Variants in TMEM266 observed in about 807,000 individuals in gnomAD.
The protein encoded by TMEM266 is transmembrane protein 266.
Under a neutral mutation model 50.5 loss-of-function variants are expected in TMEM266, and 33 were observed. The observed-to-expected ratio is 0.65, with a 90% CI of 0.50 to 0.87. The LOEUF (loss-of-function observed/expected upper bound fraction) is 0.87, where lower values mean the gene tolerates loss of function less well. Ranked by LOEUF, TMEM266 falls within the 40% of genes least tolerant of loss-of-function variation. TMEM266 has a pLI of 0.00. For missense variants in TMEM266, 655 were observed against 695.1 expected, an observed-to-expected ratio of 0.94 and a Z score of 0.65; for synonymous variants, 310 against 292.3, an observed-to-expected ratio of 1.06 and a Z score of -0.62.
chr15:76,189,026 C>T (rs1241097180), intron 8 of TMEM266, among the ~76,000 whole-genome samples: 1 of 151,982 alleles, frequency 6.6e-6, no homozygotes, highest in African/African-American at 2.4e-5. Flanking sequence ...ATATCTTGTC[C>T]CTACAAAATA....
chr15:76,149,004 G>A (rs1300871294), intron 3 of TMEM266, among the ~76,000 whole-genome samples: 3 of 152,096 alleles, frequency 2.0e-5, no homozygotes, highest in African/African-American at 2.4e-5. Context: ...TTCTGGTTTC[G>A]TGGTGTGTGT....
At chr15:76,159,988 C>A in intron 4 of TMEM266, 107 bp from the exon 5 acceptor site, 1 of 1,040,670 alleles carries the variant, frequency 9.6e-7, no homozygotes, top group South Asian at 1.4e-5. Context: ...AACGTTCATG[C>A]AGGCGGGCCC....
At chr15:76,196,602 G>C (rs1301800628) in intron 9 of TMEM266, among the ~76,000 whole-genome samples, 2 of 152,234 alleles carry the variant, frequency 1.3e-5, no homozygotes, top group African/African-American at 2.4e-5. Flanking sequence ...AGGCCAGCGA[G>C]GCTCTGAGGC....
At position 76,204,360 on chromosome 15, in the gene TMEM266, A is replaced by G. The variant is rs375376943; in HGVS notation, c.*45A>G. 2 of 1,531,036 alleles carry G rather than the reference A, an allele frequency of 1.3e-6. No homozygotes were observed. Among genetic ancestry groups the G allele is most frequent in the African/African-American group, 2.7e-5 (2 of 72,838 alleles). The allele number at this position is 1,531,036 out of a possible 1,614,324, so 94.8% of individuals were successfully genotyped here. On this transcript the variant is annotated 3_prime_UTR_variant, in exon 11 of 11. Transcript: ENST00000388942. ...GAGATGAGGGGAGACAGCCATCTCA[A>G]AGCTCTCCTGGGACCCTGGAGGCTG...
At chr15:76,135,069 C>T (rs1162377911) in intron 2 of TMEM266, among the ~76,000 whole-genome samples, 1 of 152,182 alleles carries the variant, frequency 6.6e-6, no homozygotes, top group Non-Finnish European at 1.5e-5. Flanking sequence ...CTTTTCATGC[C>T]TCTGCTGGTG....
At chr15:76,133,181 C>G (rs1433908209) in intron 1 of TMEM266, among the ~76,000 whole-genome samples, 1 of 151,820 alleles carries the variant, frequency 6.6e-6, no homozygotes. Flanking sequence ...CGCCTGTAAT[C>G]CCAGCACTTT....
At chr15:76,186,946 C>T (rs2038497713) in intron 8 of TMEM266, among the ~76,000 whole-genome samples, 3 of 152,180 alleles carry the variant, frequency 2.0e-5, no homozygotes, top group Admixed American at 2.0e-4. Flanking sequence ...CCCTTGTACA[C>T]ACTATGCCTC....
Position 76,161,200 on chromosome 15 carries a change from C to T in TMEM266, c.456+1032C>T, listed in dbSNP as rs1358842458. 2.0e-5 allele frequency among the ~76,000 whole-genome samples: 3 copies of T among 152,184 alleles called. No homozygotes were observed. In the East Asian group the frequency reaches 5.8e-4, roughly 29 times the overall value. On this transcript the variant is annotated intron_variant, in intron 5 of 10. Transcript: ENST00000388942. The surrounding 1 kb of genome is among the most constrained non-coding windows in gnomAD (Gnocchi z 4.1). ...CCCATGCAAAGTCCCGTGGGCCTTT[C>T]AGCATGGCTCAGGAAACCCTCAGGG...
At chr15:76,162,276 C>A (rs1343967727) in intron 5 of TMEM266, among the ~76,000 whole-genome samples, 1 of 152,160 alleles carries the variant, frequency 6.6e-6, no homozygotes, top group Non-Finnish European at 1.5e-5. Context: ...AATGGAGGGC[C>A]GGTGCATGGA....
chr15:76,202,339 GCTT>G, intron 10 of TMEM266, 75 bp downstream of exon 10: 1 of 1,362,550 alleles, frequency 7.3e-7, no homozygotes, highest in East Asian at 2.4e-5. Context: ...ACTCGGCCTG[GCTT>G]CAAAGCATGC....
chr15:76,101,856 CT>C (rs943207142), intron 1 of TMEM266, among the ~76,000 whole-genome samples: 1 of 152,168 alleles, frequency 6.6e-6, no homozygotes, highest in Non-Finnish European at 1.5e-5. Context: ...GGGGTAGATG[CT>C]CGGAGGTGGC....
At chr15:76,063,867 A>G (rs2036357775) in intron 1 of TMEM266, among the ~76,000 whole-genome samples, 1 of 152,186 alleles carries the variant, frequency 6.6e-6, no homozygotes, top group Non-Finnish European at 1.5e-5. Flanking sequence ...CAAAAGCTTT[A>G]TGTGTTGTTT....
At chr15:76,070,562 GGTGGCTAGGTACAGCTCAAGTACTCTA>G (rs1395929733) in intron 1 of TMEM266, among the ~76,000 whole-genome samples, 1 of 152,120 alleles carries the variant, frequency 6.6e-6, no homozygotes, top group East Asian at 1.9e-4. Flanking sequence ...AGAAAATAAT[GGTGGCTAGGTACAGCTCAAGTACTCTA>G]GTACTACTAC....
rs141591361 is a variant in TMEM266 at position 76,090,337 on chromosome 15, C to T, written c.-97+30321C>T. Among the ~76,000 whole-genome samples, 735 of 151,660 alleles carry T rather than the reference C, an allele frequency of 4.8e-3. 6 individuals are homozygous for T. The highest frequency in any genetic ancestry group is 0.017 in the African/African-American group (690 of 41,354). On this transcript the variant is annotated intron_variant, in intron 1 of 10. Coordinates refer to ENST00000388942, the MANE Select transcript of TMEM266 (RefSeq NM_152335.3). ...CGAAACCTTGGCTCTACTAAAAATA[C>T]AAAAATTAGCCAGGCATGGTGGTGC...
At chr15:76,079,974 T>C (rs1037009897) in intron 1 of TMEM266, among the ~76,000 whole-genome samples, 4 of 151,942 alleles carry the variant, frequency 2.6e-5, no homozygotes, top group Admixed American at 6.6e-5. Flanking sequence ...AGACCTCAAT[T>C]TGTAAGTGCA....
At chr15:76,175,181 T>C (rs2038254328) in intron 7 of TMEM266, 1 of 206,782 alleles carries the variant, frequency 4.8e-6, no homozygotes, top group African/African-American at 2.4e-5. Flanking sequence ...CCCCAGCTCC[T>C]TTGTGAAGAA....
At chr15:76,190,465 G>A (rs1460061791) in intron 8 of TMEM266, among the ~76,000 whole-genome samples, 3 of 152,198 alleles carry the variant, frequency 2.0e-5, no homozygotes, top group African/African-American at 7.2e-5. Context: ...TGACCTGGGT[G>A]TGGGAGAGTC....
At chr15:76,082,498 C>T (rs189242375) in intron 1 of TMEM266, among the ~76,000 whole-genome samples, 9 of 152,140 alleles carry the variant, frequency 5.9e-5, no homozygotes, top group Admixed American at 1.3e-4. Flanking sequence ...GGAGTCAGGC[C>T]CCGTATGTTA....
chr15:76,086,205 T>G (rs1421968451), intron 1 of TMEM266, among the ~76,000 whole-genome samples: 1 of 152,220 alleles, frequency 6.6e-6, no homozygotes, highest in African/African-American at 2.4e-5. Context: ...AGGAGCAAAC[T>G]ACTCATAGAT....
Sources: allele counts gnomAD v4.1 joint callset (sites outside exome capture counted in the v4.1 genomes callset), GRCh38; gene constraint gnomAD v4.1.1; non-coding constraint Gnocchi (gnomAD v3.1); transcripts MANE v1.5; gene names NCBI Gene and HGNC (gene_info 2026-07-23, HGNC 2026-07-21).